Variants in DTNA observed in about 807,000 individuals in gnomAD.
DTNA encodes the protein dystrobrevin alpha, also known as dystrophin-related protein 3.
DTNA carries 43 observed loss-of-function variants against 100.7 expected under a neutral mutation model. The observed-to-expected ratio is 0.43, with a 90% CI of 0.33 to 0.55. DTNA has a LOEUF of 0.55. Ranked by LOEUF, DTNA falls within the 20% of genes least tolerant of loss-of-function variation. DTNA has a pLI of 0.04. For missense variants in DTNA, 798 were observed against 953.9 expected (o/e 0.84, Z 2.15); for synonymous variants, 349 against 347.9 (o/e 1.00, Z -0.04).
In DTNA at chr18:34,632,005, A is replaced by C. The variant is rs146346417; in HGVS notation, c.-1-123971A>C. Among the ~76,000 whole-genome samples the C allele has an allele frequency of 1.3e-4, 20 of 152,312 alleles. No homozygotes were observed. In the East Asian group the frequency reaches 3.1e-3, roughly 24 times the overall value. On this transcript the variant is annotated intron_variant, in intron 1 of 19. Transcript: ENST00000283365. ...ATTCTCATGGACTTCATTTTAAAAA[A>C]TTATTATCTTGGTGTCTCATAACAT...
At chr18:34,724,994 G>A (rs1220819201) in intron 1 of DTNA, among the ~76,000 whole-genome samples, 1 of 152,118 alleles carries the variant, frequency 6.6e-6, no homozygotes, top group Non-Finnish European at 1.5e-5. Flanking sequence ...AAGCAATGGG[G>A]AAAGGATTCC....
intron 3 of DTNA, among the ~76,000 whole-genome samples, chr18:34,782,723 G>A (rs1183174462): frequency 6.6e-6 from 1 of 152,196 alleles, no homozygotes; most frequent in East Asian, 1.9e-4. Context: ...CTTGGAAGAA[G>A]CTGGAGAATA....
chr18:34,615,712 T>C (rs1363685180), intron 1 of DTNA, among the ~76,000 whole-genome samples: 1 of 152,188 alleles, frequency 6.6e-6, no homozygotes, highest in Non-Finnish European at 1.5e-5. Flanking sequence ...GAGTACTCAG[T>C]AGGCAACTTT....
chr18:34,769,725 CTTTT>C (rs61242937), intron 3 of DTNA, among the ~76,000 whole-genome samples: 1 of 53,872 alleles, frequency 1.9e-5, no homozygotes, highest in Non-Finnish European at 4.1e-5. Flanking sequence ...CCCTCTGGGG[CTTTT>C]TTTTTTTTTT....
At chr18:34,773,029 C>T (rs1299593576) in intron 3 of DTNA, among the ~76,000 whole-genome samples, 1 of 152,240 alleles carries the variant, frequency 6.6e-6, no homozygotes, top group Non-Finnish European at 1.5e-5. Context: ...CTGTGGGCTG[C>T]TCAGGGCATG....
chr18:34,621,289 A>G (rs1040305187), intron 1 of DTNA, among the ~76,000 whole-genome samples: 14 of 151,060 alleles, frequency 9.3e-5, no homozygotes, highest in East Asian at 5.8e-4. Context: ...ACACACATCA[A>G]TATATCCTGC....
chr18:34,787,945 C>G (rs9961993), intron 3 of DTNA, among the ~76,000 whole-genome samples: 3,837 of 152,244 alleles, frequency 0.025, 168 homozygotes, highest in African/African-American at 0.087. Context: ...TGCATTTTGT[C>G]TATTCTCGAT....
chr18:34,550,688 C>T (rs1335718642), intron 1 of DTNA, among the ~76,000 whole-genome samples: 1 of 152,108 alleles, frequency 6.6e-6, no homozygotes, highest in African/African-American at 2.4e-5. Context: ...TGAATTAAAA[C>T]ATCAAGTGAT....
chr18:34,640,379 T>A (rs1432183787), intron 1 of DTNA, among the ~76,000 whole-genome samples: 1 of 152,154 alleles, frequency 6.6e-6, no homozygotes, highest in East Asian at 1.9e-4. Context: ...CAATTGTCCT[T>A]CTGGCTTTAC....
chr18:34,658,381 C>G (rs1013514203), intron 1 of DTNA, among the ~76,000 whole-genome samples: 1 of 152,168 alleles, frequency 6.6e-6, no homozygotes, highest in Non-Finnish European at 1.5e-5. Flanking sequence ...GAGACAAGGT[C>G]TGGCTCTATC....
At chr18:34,601,917 T>TA (rs1236846613) in intron 1 of DTNA, among the ~76,000 whole-genome samples, 8 of 152,194 alleles carry the variant, frequency 5.3e-5, no homozygotes, top group African/African-American at 1.9e-4. Context: ...TGTGAAATCT[T>TA]AATGCTTTCT....
intron 1 of DTNA, among the ~76,000 whole-genome samples, chr18:34,554,491 G>A (rs766595061): frequency 0.072 from 10,725 of 148,000 alleles, 416 homozygotes; most frequent in African/African-American, 0.12. Context: ...TGCCCATTTA[G>A]TATGATATTG....
intron 1 of DTNA, among the ~76,000 whole-genome samples, chr18:34,629,662 C>A (rs922115435): frequency 6.6e-6 from 1 of 152,182 alleles, no homozygotes; most frequent in African/African-American, 2.4e-5. Flanking sequence ...TTAAAACCTG[C>A]AACCTCTTTA....
intron 13 of DTNA, among the ~76,000 whole-genome samples, chr18:34,839,346 A>G (rs549054726): frequency 6.6e-6 from 1 of 152,358 alleles, no homozygotes; most frequent in African/African-American, 2.4e-5. Context: ...ATTCTATTAC[A>G]CATTTTTCTG....
upstream of DTNA, among the ~76,000 whole-genome samples, chr18:34,707,667 A>G (rs1204520184): frequency 6.6e-6 from 1 of 152,226 alleles, no homozygotes; most frequent in African/African-American, 2.4e-5. Context: ...TGTACAAGGT[A>G]AACACTCCTG....
chr18:34,847,844 G>C (rs1250624931), intron 13 of DTNA, among the ~76,000 whole-genome samples: 3 of 152,192 alleles, frequency 2.0e-5, no homozygotes. Context: ...CTAAAGGGGA[G>C]GAAATTACAT....
chr18:34,638,343 A>G (rs2058878074), intron 1 of DTNA, among the ~76,000 whole-genome samples: 1 of 152,340 alleles, frequency 6.6e-6, no homozygotes, highest in Middle Eastern at 3.4e-3. Flanking sequence ...TCCTCACAGC[A>G]ATCTGTGACA....
At chr18:34,816,049 A>T in intron 7 of DTNA, 35 bp downstream of exon 7, 1 of 1,585,088 alleles carries the variant, frequency 6.3e-7, no homozygotes, top group Non-Finnish European at 8.7e-7. Context: ...GTGATTTTTT[A>T]AATTATTGAA....
chr18:34,644,566 G>A (rs2059631467), intron 1 of DTNA, among the ~76,000 whole-genome samples: 1 of 152,040 alleles, frequency 6.6e-6, no homozygotes, highest in Non-Finnish European at 1.5e-5. Context: ...ACAAGTTTGG[G>A]TTAGTCACTG....
Sources: gnomAD v4.1 joint callset for allele counts (sites outside exome capture counted in the v4.1 genomes callset) on GRCh38, gnomAD v4.1.1 for gene constraint, MANE v1.5 for transcripts, NCBI Gene and HGNC (gene_info 2026-07-23, HGNC 2026-07-21) for gene names.